Variants in ATP13A2 observed in about 807,000 individuals in gnomAD.
The protein encoded by ATP13A2 is ATPase cation transporting 13A2.
In ATP13A2, 83 loss-of-function variants were observed where a neutral mutation model predicts 138.3. The ratio of observed to expected loss-of-function variants is 0.60; its 90% CI spans 0.50 to 0.72. The LOEUF (loss-of-function observed/expected upper bound fraction) is 0.72, where lower values mean the gene tolerates loss of function less well. Among genes scored for constraint, ATP13A2 ranks in the 30% least tolerant of loss-of-function variants. The pLI, the probability that ATP13A2 is intolerant of heterozygous loss-of-function variation, is 0.00. For missense variants in ATP13A2, 1,402 were observed against 1,606.4 expected (o/e 0.87, Z 2.17); for synonymous variants, 663 against 699.0 (o/e 0.95, Z 0.81).
At chr1:16,994,878 G>C (rs560976037) in intron 15 of ATP13A2, among the ~76,000 whole-genome samples, 1 of 151,966 alleles carries the variant, frequency 6.6e-6, no homozygotes. Context: ...TGGCCAGGCT[G>C]GTCTTGAACT....
At chr1:17,007,773 G>C (rs906603682) in intron 1 of ATP13A2, among the ~76,000 whole-genome samples, 16 of 151,588 alleles carry the variant, frequency 1.1e-4, no homozygotes, top group African/African-American at 2.4e-5. Flanking sequence ...GGATGGTCTC[G>C]ATCTCCCGAC....
At chr1:17,008,060 T>TCA (rs2077629126) in intron 1 of ATP13A2, among the ~76,000 whole-genome samples, 1 of 150,230 alleles carries the variant, frequency 6.7e-6, no homozygotes, top group Non-Finnish European at 1.5e-5. Flanking sequence ...ATTCATTCAT[T>TCA]TATTTACTTA....
Position 16,993,947 on chromosome 1 carries a change from G to A in ATP13A2, c.1543-112C>T, listed in dbSNP as rs946948991. On this transcript the variant is annotated intron_variant, in intron 15 of 28. Coordinates refer to ENST00000326735, the MANE Select transcript of ATP13A2 (RefSeq NM_022089.4). ...GACCCTATGGGAACCCCAGGAACTC[G>A]AGCTGGAGCCAAAAGATGACCTTTC... is the stretch of plus-strand genomic sequence containing the variant. 1.9e-5 allele frequency: 17 copies of A among 893,340 alleles called. 1 individual carries two copies. The highest frequency in any genetic ancestry group is 1.6e-4 in the South Asian group (9 of 54,908). The allele number at this position is 893,340 out of a possible 1,614,324, so 55.3% of individuals were successfully genotyped here.
Position 17,000,201 on chromosome 1 carries a change from C to G in ATP13A2, c.907+45G>C, listed in dbSNP as rs759914212. The G allele has an allele frequency of 8.1e-5, 127 of 1,573,652 alleles. No individual in the cohort carries two copies. The Middle Eastern group carries it at 8.8e-4, about 11-fold the overall frequency. On this transcript the variant is annotated intron_variant, in intron 10 of 28. Coordinates refer to ENST00000326735, the MANE Select transcript of ATP13A2 (RefSeq NM_022089.4). Reference sequence around the variant, plus strand: ...GGGGCCAGCCCCAGCCATGCCCCCCCACCCTCCCACTCCTGCCCCCGCCCC... The same window carrying G: ...GGGGCCAGCCCCAGCCATGCCCCCCGACCCTCCCACTCCTGCCCCCGCCCC...
rs1346570146 is a variant in ATP13A2, at chr1:17,011,126, C to G, written c.10+603G>C. ...CGGCAGGTGGGATTTAAATTAGACC[C>G]TGGAGGAGTGGGCGTAGGACATCTG... On this transcript the variant is annotated intron_variant, in intron 1 of 28. Transcript: ENST00000326735. This position sits in a 1 kb window ranked among gnomAD's most constrained non-coding sequence, Gnocchi z 7.3. Among the ~76,000 whole-genome samples, 1 of 152,054 alleles carries G rather than the reference C, an allele frequency of 6.6e-6. No homozygotes were observed. The highest frequency in any genetic ancestry group is 1.5e-5 in the Non-Finnish European group (1 of 68,012).
In ATP13A2 at chr1:16,996,181, T is replaced by C. The variant is rs776428139; in HGVS notation, c.1354-17A>G. 3 of 1,614,104 alleles carry C rather than the reference T, an allele frequency of 1.9e-6. No homozygotes were observed. The highest frequency in any genetic ancestry group is 2.5e-6 in the Non-Finnish European group (3 of 1,180,032). ...CAGAGGCACCTGGCAGGGGGCACCATGAATGTGAGCACCTGGCTGGTTGGC... is the reference window on the plus strand; with the variant it reads ...CAGAGGCACCTGGCAGGGGGCACCACGAATGTGAGCACCTGGCTGGTTGGC... On this transcript the variant is annotated splice_polypyrimidine_tract_variant and intron_variant, in intron 14 of 28. Coordinates refer to ENST00000326735, the MANE Select transcript of ATP13A2 (RefSeq NM_022089.4).
chr1:16,991,886 G>C, intron 19 of ATP13A2, 28 bp from the exon 20 acceptor site: 1 of 1,613,950 alleles, frequency 6.2e-7, no homozygotes, highest in African/African-American at 1.3e-5. Flanking sequence ...CTGGATCAGA[G>C]GTCATGCAGT....
Position 17,006,005 on chromosome 1 carries a change from C to T in ATP13A2, c.11-227G>A, listed in dbSNP as rs181809608. On this transcript the variant is annotated intron_variant, in intron 1 of 28. Transcript: ENST00000326735. ...AAAAAATTAGCCGGGCGTGGCAGCG[C>T]GTGCCTGTAATCTCAGCTACTCAGG... Among the ~76,000 whole-genome samples, 1,960 of 152,054 alleles carry T rather than the reference C, an allele frequency of 0.013. 21 individuals carry two copies. Among genetic ancestry groups the T allele is most frequent in the Non-Finnish European group, 0.019 (1,277 of 67,972 alleles).
At position 17,005,478 on chromosome 1, in the gene ATP13A2, A is replaced by G; in HGVS notation, c.184T>C (p.Leu62=). 6.2e-7 allele frequency: 1 copy of G among 1,614,236 alleles called. No individual in the cohort carries two copies. ...VVVWMMAGIP[L]LLFRWKPLWG... ...AGGGGCTTCCAACGGAAGAGCAGCA[A>G]AGGGATCCCAGCCATCATCCAGACC... The change falls in exon 3 of 29, where the codon TTG becomes CTG. Residue 62 remains leucine (L), a synonymous_variant. Transcript: ENST00000326735.
rs2076939446 is a variant in ATP13A2 at position 16,991,778 on chromosome 1, A to G, written c.2207T>C (p.Ile736Thr). The G allele has an allele frequency of 1.2e-6, 2 of 1,614,060 alleles. No individual in the cohort carries two copies. Among genetic ancestry groups the G allele is most frequent in the East Asian group, 2.2e-5 (1 of 44,886 alleles). ...NLLKPQTTPV[I>T]QALRRTRIRA... ...GATGCGGGTCCTTCGCAGAGCCTGG[A>G]TAACTGGCGTTGTCTGCGGCTTCAG... The change falls in exon 20 of 29, where the codon ATC becomes ACC. Residue 736 changes from isoleucine to threonine, a missense_variant. Ile to Thr is a moderately conservative substitution (Grantham distance 89, BLOSUM62 -1). Transcript: ENST00000326735.
intron 1 of ATP13A2, among the ~76,000 whole-genome samples, chr1:17,009,938 A>C (rs1158126494): frequency 5.3e-5 from 8 of 152,178 alleles, no homozygotes; most frequent in Non-Finnish European, 1.0e-4. Context: ...TCTCTCCTGC[A>C]GTACATCTGT....
intron 1 of ATP13A2, among the ~76,000 whole-genome samples, chr1:17,008,776 C>T (rs907918838): frequency 2.6e-5 from 4 of 152,042 alleles, no homozygotes; most frequent in African/African-American, 7.2e-5. Context: ...CTGGCTAACA[C>T]GGTGAAACCC....
At position 16,986,238 on chromosome 1, in the gene ATP13A2, C is replaced by T. The variant is rs1250232618; in HGVS notation, c.3526G>A (p.Ala1176Thr). The change falls in exon 29 of 29, where the codon GCC becomes ACC. Residue 1176 changes from alanine (A) to threonine (T), a missense_variant. By Grantham distance (58) the Ala-to-Thr change is moderately conservative. Transcript: ENST00000326735. The surrounding 1 kb of genome is among the most constrained non-coding windows in gnomAD (Gnocchi z 6.9). ...GGCCTGCACTACCTCAGGGGGCCGGCGGGCAGCGGCGGCCAGGGCTGCTCG... is the reference window on the plus strand; with the variant it reads ...GGCCTGCACTACCTCAGGGGGCCGGTGGGCAGCGGCGGCCAGGGCTGCTCG... ...LAEQPWPPLP[A>T]GPLR The T allele has an allele frequency of 7.5e-6, 12 of 1,610,484 alleles. No homozygotes were observed. The highest frequency in any genetic ancestry group is 6.7e-5 in the East Asian group (3 of 44,710).
In ATP13A2 at chr1:16,987,889, C is replaced by T. The variant is rs1163910042; in HGVS notation, c.2859+249G>A. On this transcript the variant is annotated intron_variant, in intron 25 of 28. Transcript: ENST00000326735. ...GCAGATTGGGGAGCTCCCAGAGTTG[C>T]GGTCAAGATGTTAGCCCATGACAGC... Among the ~76,000 whole-genome samples, 6 of 152,284 alleles carry T rather than the reference C, an allele frequency of 3.9e-5. No homozygotes were observed. In the East Asian group the frequency reaches 5.8e-4, roughly 15 times the overall value.
chr1:17,005,903 G>A (rs556712886), intron 1 of ATP13A2, 125 bp from the exon 2 acceptor site: 47 of 833,862 alleles, frequency 5.6e-5, no homozygotes, highest in Non-Finnish European at 8.7e-5. Context: ...GGGAGGCCGA[G>A]GCGGGTGGAT....
chr1:17,008,720 G>C (rs920586351), intron 1 of ATP13A2, among the ~76,000 whole-genome samples: 14 of 152,034 alleles, frequency 9.2e-5, no homozygotes, highest in Non-Finnish European at 1.6e-4. Context: ...GGAGCCCAAG[G>C]GGGGCGGATC....
chr1:17,002,379 G>GGTGGGTGCGAGGGGACACGC lies in ATP13A2; in HGVS notation c.558-26_558-7dup. The GGTGGGTGCGAGGGGACACGC allele has an allele frequency of 1.2e-6, 2 of 1,612,394 alleles. No homozygotes were observed. Among genetic ancestry groups the GGTGGGTGCGAGGGGACACGC allele is most frequent in the South Asian group, 2.2e-5 (2 of 90,674 alleles). On this transcript the variant is annotated splice_region_variant and splice_polypyrimidine_tract_variant and intron_variant, in intron 6 of 28. Transcript: ENST00000326735. ...AGCGGCCATGGTCCAGGAGGCTGGG[G>GGTGGGTGCGAGGGGACACGC]GTGGGTGCGAGGGGACACGCATGGG...
intron 8 of ATP13A2, 117 bp from the exon 9 acceptor site, chr1:17,000,651 C>G: frequency 1.5e-6 from 2 of 1,359,322 alleles, no homozygotes; most frequent in Non-Finnish European, 9.9e-7. Context: ...AGGACTGGAG[C>G]CAGGCCTTTC....
At chr1:17,000,194 G>GTCC in intron 10 of ATP13A2, 52 bp from the exon 11 acceptor site, 41 of 1,570,254 alleles carry the variant, frequency 2.6e-5, no homozygotes, top group South Asian at 1.1e-4. Context: ...CCCCAGCCAT[G>GTCC]CCCCCCCACC....
Sources: allele counts gnomAD v4.1 joint callset (sites outside exome capture counted in the v4.1 genomes callset), GRCh38; gene constraint gnomAD v4.1.1; non-coding constraint Gnocchi (gnomAD v3.1); transcripts MANE v1.5; gene names NCBI Gene and HGNC (gene_info 2026-07-23, HGNC 2026-07-21).